Variants in RORA observed in about 807,000 individuals in gnomAD.
The protein encoded by RORA is RAR related orphan receptor A, also known as nuclear receptor ROR-alpha.
Under a neutral mutation model 69.5 loss-of-function variants are expected in RORA, and 7 were observed. That is an observed-to-expected ratio of 0.10 (90% CI 0.06 to 0.19). RORA has a LOEUF of 0.19. Among genes scored for constraint, RORA ranks in the 10% least tolerant of loss-of-function variants. The pLI, the probability that RORA is intolerant of heterozygous loss-of-function variation, is 1.00. For missense variants in RORA, 457 were observed against 663.0 expected (o/e 0.69, Z 3.41); for synonymous variants, 261 against 240.8 (o/e 1.08, Z -0.78).
intron 1 of RORA, among the ~76,000 whole-genome samples, chr15:61,207,586 CCTCTT>C (rs1284736671): frequency 2.6e-5 from 4 of 152,218 alleles, no homozygotes; most frequent in African/African-American, 4.8e-5. Flanking sequence ...TTAGCTCAGT[CCTCTT>C]CTCATCACAT....
At position 60,489,879 on chromosome 15, in the gene RORA, G is replaced by C. The variant is rs1404651324; in HGVS notation, c.*7576C>G. The C allele has an allele frequency of 6.6e-6, 1 of 151,988 alleles. No homozygotes were observed. The highest frequency in any genetic ancestry group is 1.5e-5 in the Non-Finnish European group (1 of 67,980). The allele number at this position is 151,988 out of a possible 1,614,324, so 9.4% of individuals were successfully genotyped here. On this transcript the variant is annotated 3_prime_UTR_variant, in exon 11 of 11. Coordinates refer to ENST00000335670, the MANE Select transcript of RORA (RefSeq NM_134261.3). ...AAAAGTATATTACTCCATTAAACAAGTTTCTTTAGGATCTTGAAGGCCTGG... is the reference window on the plus strand; with the variant it reads ...AAAAGTATATTACTCCATTAAACAACTTTCTTTAGGATCTTGAAGGCCTGG...
intron 2 of RORA, among the ~76,000 whole-genome samples, chr15:60,645,280 A>T (rs151269202): frequency 1.2e-4 from 18 of 152,078 alleles, no homozygotes; most frequent in Admixed American, 2.6e-4. Flanking sequence ...TCAGGGTGGG[A>T]GAGAGAGAAG....
At chr15:61,124,300 G>T (rs2079126131) in intron 1 of RORA, among the ~76,000 whole-genome samples, 1 of 152,192 alleles carries the variant, frequency 6.6e-6, no homozygotes, top group Non-Finnish European at 1.5e-5. Flanking sequence ...ATTCATGCTG[G>T]TAGGTTTTGT....
At chr15:60,977,115 GAA>G (rs5813057) in intron 1 of RORA, among the ~76,000 whole-genome samples, 60 of 135,966 alleles carry the variant, frequency 4.4e-4, no homozygotes, top group Non-Finnish European at 5.2e-4. Context: ...TGATTGGAGG[GAA>G]AAAAAAAAAA....
chr15:61,188,366 T>C (rs1044220541), intron 1 of RORA, among the ~76,000 whole-genome samples: 1 of 152,234 alleles, frequency 6.6e-6, no homozygotes, highest in Admixed American at 6.5e-5. Flanking sequence ...AACCAGGCTG[T>C]GGGTGGGCCG....
At chr15:61,223,987 C>T (rs1483584174) in intron 1 of RORA, among the ~76,000 whole-genome samples, 1 of 142,048 alleles carries the variant, frequency 7.0e-6, no homozygotes, top group Admixed American at 7.4e-5. Context: ...ACCAACACTT[C>T]CTGCGTGAAT....
chr15:60,878,300 C>T (rs867458061), intron 1 of RORA, among the ~76,000 whole-genome samples: 2 of 134,142 alleles, frequency 1.5e-5, no homozygotes, highest in Middle Eastern at 4.4e-3. Flanking sequence ...GCCGAGATCG[C>T]GGCATTGCAC....
intron 3 of RORA, among the ~76,000 whole-genome samples, chr15:60,525,097 C>CA (rs1464030419): frequency 1.3e-5 from 2 of 152,052 alleles, no homozygotes; most frequent in African/African-American, 4.8e-5. Flanking sequence ...ACAAAACAAA[C>CA]ACGCAAAAAA....
chr15:60,867,743 TGA>T (rs2073506666), intron 1 of RORA, among the ~76,000 whole-genome samples: 1 of 152,220 alleles, frequency 6.6e-6, no homozygotes, highest in Non-Finnish European at 1.5e-5. Flanking sequence ...TGAGATCCTA[TGA>T]GAGAGTTTTC....
intron 1 of RORA, among the ~76,000 whole-genome samples, chr15:60,912,341 G>C (rs1408039758): frequency 1.3e-5 from 2 of 152,110 alleles, no homozygotes; most frequent in Non-Finnish European, 2.9e-5. Flanking sequence ...AGGATCGCTT[G>C]AGCCCACGAG....
chr15:61,018,095 G>C (rs1285314498), intron 1 of RORA, among the ~76,000 whole-genome samples: 3 of 152,180 alleles, frequency 2.0e-5, no homozygotes, highest in Admixed American at 2.0e-4. Context: ...TCCTCCAAAA[G>C]AATGCTCCTA....
At chr15:61,135,032 T>C (rs1266845932) in intron 1 of RORA, among the ~76,000 whole-genome samples, 1 of 147,440 alleles carries the variant, frequency 6.8e-6, no homozygotes, top group Non-Finnish European at 1.5e-5. Flanking sequence ...AGCAAAAAAA[T>C]AGCAGTGGCT....
intron 1 of RORA, among the ~76,000 whole-genome samples, chr15:61,033,399 C>T (rs1023171793): frequency 7.9e-5 from 3 of 37,992 alleles, no homozygotes; most frequent in African/African-American, 2.7e-4. Context: ...AAATTTATAG[C>T]TTTATTCTGA....
At chr15:60,878,847 G>T (rs546407870) in intron 1 of RORA, among the ~76,000 whole-genome samples, 2 of 152,310 alleles carry the variant, frequency 1.3e-5, no homozygotes, top group East Asian at 3.9e-4. Context: ...CTCCCTACAG[G>T]TATCCAGAAT....
At chr15:60,916,250 G>A (rs772114068) in intron 1 of RORA, among the ~76,000 whole-genome samples, 2 of 152,202 alleles carry the variant, frequency 1.3e-5, no homozygotes. Context: ...TCTGTGTTGT[G>A]TAATCCTCCC....
At chr15:61,079,889 G>A (rs1031797612) in intron 1 of RORA, among the ~76,000 whole-genome samples, 4 of 152,256 alleles carry the variant, frequency 2.6e-5, no homozygotes, top group South Asian at 2.1e-4. Context: ...TTTCCTGTGC[G>A]ACCATGAGCA....
At chr15:61,166,532 T>C (rs546248449) in intron 1 of RORA, among the ~76,000 whole-genome samples, 23 of 152,316 alleles carry the variant, frequency 1.5e-4, no homozygotes, top group Admixed American at 4.6e-4. Context: ...TGCACATCCA[T>C]TGACAACCGT....
chr15:60,916,886 T>A (rs1891888605), intron 1 of RORA, among the ~76,000 whole-genome samples: 1 of 152,246 alleles, frequency 6.6e-6, no homozygotes, highest in Admixed American at 6.5e-5. Flanking sequence ...TAGCATACAT[T>A]GCTTATTGCA....
chr15:60,557,969 A>T, intron 2 of RORA: 1 of 299,352 alleles, frequency 3.3e-6, no homozygotes. Context: ...TCTTGATGAT[A>T]AACAGTCATC....
Sources: allele counts gnomAD v4.1 joint callset (sites outside exome capture counted in the v4.1 genomes callset), GRCh38; gene constraint gnomAD v4.1.1; transcripts MANE v1.5; gene names NCBI Gene and HGNC (gene_info 2026-07-23, HGNC 2026-07-21).